RALGPS1: variants seen among roughly 807,000 people sequenced by gnomAD.
RALGPS1 encodes the protein ras-specific guanine nucleotide-releasing factor RalGPS1.
In RALGPS1, 19 loss-of-function variants were observed where a neutral mutation model predicts 78.8. That is an observed-to-expected ratio of 0.24 (90% CI 0.17 to 0.35). The LOEUF is 0.35. RALGPS1 is among the 10% of genes least tolerant of loss of function. The probability of loss-of-function intolerance (pLI) is 1.00; values close to 1 mark genes in which losing one functional copy is unlikely to be tolerated. For missense variants in RALGPS1, 454 were observed against 688.3 expected, an observed-to-expected ratio of 0.66 and a Z score of 3.81; for synonymous variants, 228 against 256.3, an observed-to-expected ratio of 0.89 and a Z score of 1.06.
At chr9:127,065,619 A>G (rs1450058199) in intron 7 of RALGPS1, among the ~76,000 whole-genome samples, 1 of 152,076 alleles carries the variant, frequency 6.6e-6, no homozygotes, top group Non-Finnish European at 1.5e-5. Context: ...ATTTTTTATT[A>G]TATATAATAA....
chr9:127,030,854 T>C (rs2046374701), intron 4 of RALGPS1, among the ~76,000 whole-genome samples: 2 of 152,014 alleles, frequency 1.3e-5, no homozygotes, highest in South Asian at 2.1e-4. Flanking sequence ...TGCAAGGACA[T>C]TTAAGTTTGG....
intron 4 of RALGPS1, among the ~76,000 whole-genome samples, chr9:126,994,563 C>G (rs1350089029): frequency 6.6e-6 from 1 of 152,144 alleles, no homozygotes. Flanking sequence ...ATTGGTGTAC[C>G]TGAAAGTGAC....
chr9:127,098,870 G>A (rs1391351675), intron 8 of RALGPS1, among the ~76,000 whole-genome samples: 1 of 152,224 alleles, frequency 6.6e-6, no homozygotes, highest in African/African-American at 2.4e-5. Context: ...TGGGTCTGGG[G>A]CAGACCAGCA....
Position 126,917,162 on chromosome 9 carries a change from G to A in RALGPS1, c.-66+2187G>A, listed in dbSNP as rs2034257050. Among the ~76,000 whole-genome samples the A allele has an allele frequency of 1.3e-5, 2 of 152,098 alleles. 1 individual carries two copies. Among genetic ancestry groups the A allele is most frequent in the South Asian group, 4.1e-4 (2 of 4,822 alleles). On this transcript the variant is annotated intron_variant, in intron 1 of 18. Transcript: ENST00000259351. ...TGACCCAGTAGCATTGAGGGGATTA[G>A]GCCCTTACTGGTGCCTGTGCTTGTG...
chr9:127,140,747 A>G (rs1337273767), intron 8 of RALGPS1, among the ~76,000 whole-genome samples: 2 of 152,186 alleles, frequency 1.3e-5, no homozygotes, highest in South Asian at 2.1e-4. Flanking sequence ...CCTCCCCCCA[A>G]AAAAATCTGG....
intron 11 of RALGPS1, among the ~76,000 whole-genome samples, chr9:127,180,228 T>G (rs1369312908): frequency 6.6e-6 from 1 of 152,202 alleles, no homozygotes; most frequent in Admixed American, 6.5e-5. Flanking sequence ...GTGAAGACAT[T>G]TCCAGATTTT....
intron 4 of RALGPS1, among the ~76,000 whole-genome samples, chr9:127,017,418 T>C (rs574611651): frequency 6.6e-6 from 1 of 152,270 alleles, no homozygotes; most frequent in East Asian, 1.9e-4. Flanking sequence ...ATGGTATACC[T>C]ATATAGGACA....
chr9:127,051,774 A>C (rs1046127661), intron 6 of RALGPS1, among the ~76,000 whole-genome samples: 6 of 152,346 alleles, frequency 3.9e-5, no homozygotes, highest in Non-Finnish European at 8.8e-5. Flanking sequence ...CATGGTAGAC[A>C]AAACTTTGTC....
intron 8 of RALGPS1, among the ~76,000 whole-genome samples, chr9:127,134,706 T>G (rs1284995251): frequency 1.3e-5 from 2 of 152,218 alleles, no homozygotes; most frequent in Admixed American, 1.3e-4. Flanking sequence ...TGTTGTTGTT[T>G]TTTACTGTTG....
At chr9:127,039,555 A>T (rs1471248056) in intron 5 of RALGPS1, among the ~76,000 whole-genome samples, 1 of 152,180 alleles carries the variant, frequency 6.6e-6, no homozygotes, top group Admixed American at 6.5e-5. Context: ...TGAAGTGAGC[A>T]GATCCTTAAG....
intron 3 of RALGPS1, among the ~76,000 whole-genome samples, chr9:126,973,791 TTCTGAC>T (rs1564341175): frequency 6.6e-6 from 1 of 152,160 alleles, no homozygotes; most frequent in Non-Finnish European, 1.5e-5. Flanking sequence ...CTACTCTACT[TTCTGAC>T]TCCATGATTT....
chr9:127,060,637 GTCA>G lies in RALGPS1; in HGVS notation c.483+7701_483+7703del, dbSNP rs560216999. On this transcript the variant is annotated intron_variant, in intron 7 of 18. Transcript: ENST00000259351. Reference sequence around the variant, plus strand: ...GGGCCTTTTACTTATGGCCTGAACTGTCATCCTCTTTCAGCTGGTCCCATTGCT... The same window carrying G: ...GGGCCTTTTACTTATGGCCTGAACTGTCCTCTTTCAGCTGGTCCCATTGCT... Among the ~76,000 whole-genome samples, 20 of 152,132 alleles carry G rather than the reference GTCA, an allele frequency of 1.3e-4. No individual in the cohort carries two copies. The South Asian group carries it at 4.0e-3, about 30-fold the overall frequency.
At chr9:126,969,442 A>T (rs558039608) in intron 3 of RALGPS1, among the ~76,000 whole-genome samples, 1 of 152,168 alleles carries the variant, frequency 6.6e-6, no homozygotes, top group African/African-American at 2.4e-5. Flanking sequence ...TGCTAGCAAC[A>T]TTTCACATGC....
chr9:127,117,043 C>T (rs1225175591), intron 8 of RALGPS1, among the ~76,000 whole-genome samples: 1 of 152,260 alleles, frequency 6.6e-6, no homozygotes, highest in Non-Finnish European at 1.5e-5. Context: ...CACATCTGAT[C>T]ATGTCAGCGT....
chr9:127,174,316 A>AG (rs1276808320), intron 10 of RALGPS1, among the ~76,000 whole-genome samples: 7 of 151,962 alleles, frequency 4.6e-5, no homozygotes, highest in African/African-American at 1.7e-4. Context: ...AAAGAAAGAA[A>AG]AAAAAAGAAA....
intron 11 of RALGPS1, among the ~76,000 whole-genome samples, chr9:127,193,773 G>A (rs2061204938): frequency 6.6e-6 from 1 of 152,260 alleles, no homozygotes. Context: ...CCATGGCCAG[G>A]CAGCCACCCC....
In RALGPS1 at chr9:127,174,734, C is replaced by T; in HGVS notation, c.862C>T (p.Pro288Ser). Residue 288 changes from proline (P) to serine (S), a missense_variant, in exon 11 of 19, where the codon CCA (proline) becomes TCA (serine). By Grantham distance (74) the Pro-to-Ser change is moderately conservative. Coordinates refer to ENST00000259351, the MANE Select transcript of RALGPS1 (RefSeq NM_014636.3). The stretch of plus-strand genomic sequence containing the variant: ...TTTCAGACTGTCGCTCAGAATCGAA[C>T]CAGGAAGCAGCTCTCCAAGACTAGT... ...DNYKLSLRIE[P>S]GSSSPRLVSS... The T allele has an allele frequency of 5.6e-6, 9 of 1,614,148 alleles. No homozygotes were observed. Among genetic ancestry groups the T allele is most frequent in the Non-Finnish European group, 5.1e-6 (6 of 1,180,002 alleles).
Position 127,191,204 on chromosome 9 carries a change from T to C in RALGPS1, c.911-3887T>C, listed in dbSNP as rs62578786. On this transcript the variant is annotated intron_variant, in intron 11 of 18. Coordinates refer to ENST00000259351, the MANE Select transcript of RALGPS1 (RefSeq NM_014636.3). The stretch of plus-strand genomic sequence containing the variant: ...TCGCCTTTTAACACTGATTTTGATG[T>C]CGTTTTTGGTCGGTTGTTTTGGTAC... Among the ~76,000 whole-genome samples, 897 of 152,330 alleles carry C rather than the reference T, an allele frequency of 5.9e-3. 5 individuals are homozygous for C. The highest frequency in any genetic ancestry group is 9.9e-3 in the South Asian group (48 of 4,830).
intron 8 of RALGPS1, among the ~76,000 whole-genome samples, chr9:127,102,818 G>A (rs1037214132): frequency 4.6e-5 from 7 of 152,220 alleles, no homozygotes; most frequent in African/African-American, 1.7e-4. Flanking sequence ...GAAATCACTG[G>A]ATTATGTAGT....
Sources: gnomAD v4.1 joint callset for allele counts (sites outside exome capture counted in the v4.1 genomes callset) on GRCh38, gnomAD v4.1.1 for gene constraint, MANE v1.5 for transcripts, NCBI Gene and HGNC (gene_info 2026-07-23, HGNC 2026-07-21) for gene names.